FRAS1: variants seen among roughly 807,000 people sequenced by gnomAD.
FRAS1 encodes the protein extracellular matrix organizing protein FRAS1.
Under a neutral mutation model 435.2 loss-of-function variants are expected in FRAS1, and 290 were observed. That is an observed-to-expected ratio of 0.67 (90% confidence interval 0.61 to 0.73). The LOEUF (loss-of-function observed/expected upper bound fraction) is 0.73, where lower values mean the gene tolerates loss of function less well. Ranked by LOEUF, FRAS1 falls within the 30% of genes least tolerant of loss-of-function variation. The pLI, the probability that FRAS1 is intolerant of heterozygous loss-of-function variation, is 0.00. For missense variants in FRAS1, 4,860 were observed against 5,001.5 expected (o/e 0.97, Z 0.85); for synonymous variants, 1,800 against 1,851.0 (o/e 0.97, Z 0.71).
At chr4:78,173,611 C>G (rs1463615611) in intron 2 of FRAS1, among the ~76,000 whole-genome samples, 1 of 152,240 alleles carries the variant, frequency 6.6e-6, no homozygotes, top group Non-Finnish European at 1.5e-5. Context: ...AGCAAAATAT[C>G]TTTTCCAGTT....
intron 2 of FRAS1, among the ~76,000 whole-genome samples, chr4:78,198,891 A>G (rs1722934606): frequency 6.6e-6 from 1 of 152,234 alleles, no homozygotes; most frequent in African/African-American, 2.4e-5. Flanking sequence ...TTCTAAGTAT[A>G]CAGTATATAA....
chr4:78,320,585 G>A (rs1729463916), intron 18 of FRAS1, among the ~76,000 whole-genome samples: 1 of 151,944 alleles, frequency 6.6e-6, no homozygotes, highest in Non-Finnish European at 1.5e-5. Context: ...ATAGTGCCTA[G>A]CCCTGCTTGA....
At chr4:78,060,199 AC>A (rs1366353591) in intron 1 of FRAS1, among the ~76,000 whole-genome samples, 14 of 152,200 alleles carry the variant, frequency 9.2e-5, no homozygotes, top group African/African-American at 2.2e-4. Context: ...AGACAAAAAA[AC>A]ATTTGTCATC....
At chr4:78,458,885 T>C (rs550105287) in intron 47 of FRAS1, among the ~76,000 whole-genome samples, 1 of 152,176 alleles carries the variant, frequency 6.6e-6, no homozygotes, top group Non-Finnish European at 1.5e-5. Context: ...AGGCAGTGTA[T>C]TACTGGCCTA....
chr4:78,458,496 G>A (rs910522054), intron 47 of FRAS1, among the ~76,000 whole-genome samples: 1 of 152,130 alleles, frequency 6.6e-6, no homozygotes, highest in Admixed American at 6.5e-5. Flanking sequence ...ACTTATAAGT[G>A]AGAACTTAAC....
chr4:78,187,685 C>G (rs1722331004), intron 2 of FRAS1, among the ~76,000 whole-genome samples: 1 of 152,126 alleles, frequency 6.6e-6, no homozygotes, highest in East Asian at 1.9e-4. Context: ...CTCACTGCAA[C>G]CTCCGCCTCT....
intron 9 of FRAS1, among the ~76,000 whole-genome samples, chr4:78,275,924 C>G (rs1726995673): frequency 6.6e-6 from 1 of 152,172 alleles, no homozygotes; most frequent in Non-Finnish European, 1.5e-5. Context: ...CAAGTTGGTT[C>G]CATTCTCCCC....
chr4:78,102,107 G>T (rs138744748), intron 2 of FRAS1, among the ~76,000 whole-genome samples: 1 of 151,394 alleles, frequency 6.6e-6, no homozygotes, highest in Non-Finnish European at 1.5e-5. Context: ...CTTTGATCAC[G>T]GTTGAATATG....
intron 63 of FRAS1, among the ~76,000 whole-genome samples, chr4:78,510,590 TC>T (rs1424556887): frequency 6.6e-6 from 1 of 152,218 alleles, no homozygotes; most frequent in Non-Finnish European, 1.5e-5. Context: ...GTTATATACT[TC>T]CCTATGTAAA....
intron 18 of FRAS1, among the ~76,000 whole-genome samples, chr4:78,322,452 G>C (rs1729547060): frequency 6.6e-6 from 1 of 152,114 alleles, no homozygotes; most frequent in Admixed American, 6.5e-5. Context: ...AGTTTCAAAT[G>C]CTTTCTGTAA....
intron 36 of FRAS1, 60 bp from the exon 37 acceptor site, chr4:78,430,232 T>C: frequency 6.2e-7 from 1 of 1,607,336 alleles, no homozygotes; most frequent in Non-Finnish European, 8.5e-7. Context: ...TTTTAATATA[T>C]AGTCTATCGT....
chr4:78,089,996 G>A (rs892231777), intron 2 of FRAS1, among the ~76,000 whole-genome samples: 4 of 151,962 alleles, frequency 2.6e-5, no homozygotes, highest in Non-Finnish European at 4.4e-5. Context: ...CCTATGTTAC[G>A]AACTTCACCT....
chr4:78,448,034 T>C lies in FRAS1; in HGVS notation c.6011-19T>C. 3 of 1,571,816 alleles carry C rather than the reference T, an allele frequency of 1.9e-6. No homozygotes were observed. The highest frequency in any genetic ancestry group is 2.6e-6 in the Non-Finnish European group (3 of 1,157,600). On this transcript the variant is annotated intron_variant, in intron 43 of 73. Transcript: ENST00000512123. ...GTGTATTCTACCATTGTTTTGCTTT[T>C]CTTTACCTCTTCCCTCAGGTCATGT...
chr4:78,150,986 T>C (rs1311131563), intron 2 of FRAS1, among the ~76,000 whole-genome samples: 1 of 152,196 alleles, frequency 6.6e-6, no homozygotes, highest in Non-Finnish European at 1.5e-5. Context: ...ATAATATTTA[T>C]TAAGTTTGGT....
At chr4:78,522,357 C>A (rs1168433060) in intron 68 of FRAS1, among the ~76,000 whole-genome samples, 1 of 152,092 alleles carries the variant, frequency 6.6e-6, no homozygotes, top group Non-Finnish European at 1.5e-5. Context: ...CACATAAAGA[C>A]CCCTATTATT....
At chr4:78,188,848 G>A (rs901513116) in intron 2 of FRAS1, among the ~76,000 whole-genome samples, 6 of 152,194 alleles carry the variant, frequency 3.9e-5, no homozygotes, top group Non-Finnish European at 7.3e-5. Context: ...GCATTACTCT[G>A]TCCCCGTCCT....
chr4:78,469,433 A>T lies in FRAS1; in HGVS notation c.7258-545A>T, dbSNP rs146611276. On this transcript the variant is annotated intron_variant, in intron 50 of 73. Coordinates refer to ENST00000512123, the MANE Select transcript of FRAS1 (RefSeq NM_025074.7). Reference sequence around the variant, plus strand: ...TTATTTCTGATTTCTTCTGCCCCTCACCCTCATATAGAGAGCTCTCCCTTA... The same window carrying T: ...TTATTTCTGATTTCTTCTGCCCCTCTCCCTCATATAGAGAGCTCTCCCTTA... 6.2e-4 allele frequency among the ~76,000 whole-genome samples: 94 copies of T among 152,050 alleles called. 1 individual carries two copies. The Middle Eastern group carries it at 0.024, about 39-fold the overall frequency.
At chr4:78,401,639 C>A (rs1732896493) in intron 30 of FRAS1, among the ~76,000 whole-genome samples, 1 of 149,868 alleles carries the variant, frequency 6.7e-6, no homozygotes, top group East Asian at 2.0e-4. Context: ...GACATGCTTT[C>A]AATTAAAGGG....
rs1286064189 is a variant in FRAS1, at chr4:78,387,411, A to G, written c.3685A>G (p.Ser1229Gly). 6.2e-7 allele frequency: 1 copy of G among 1,613,022 alleles called. No individual in the cohort carries two copies. Among genetic ancestry groups the G allele is most frequent in the Non-Finnish European group, 8.5e-7 (1 of 1,179,408 alleles). The stretch of plus-strand genomic sequence containing the variant: ...GCTGAGAAATGAAGTTCTCCACATT[A>G]GCAGAGGAGAGAGGGCAACCATCAC... ...YVLRNEVLHI[S>G]RGERATITTQ... Residue 1229 changes from serine to glycine, a missense_variant, in exon 29 of 74, where the codon AGC becomes GGC. Coordinates refer to ENST00000512123, the MANE Select transcript of FRAS1 (RefSeq NM_025074.7).
Sources: gnomAD v4.1 joint callset for allele counts (sites outside exome capture counted in the v4.1 genomes callset) on GRCh38, gnomAD v4.1.1 for gene constraint, MANE v1.5 for transcripts, NCBI Gene and HGNC (gene_info 2026-07-23, HGNC 2026-07-21) for gene names.